The following CUL2 variants were observed in gnomAD, a reference collection of about 807,000 sequenced individuals.
CUL2 encodes cullin-2.
A neutral mutation model predicts 110.2 loss-of-function variants in CUL2; 22 were observed. That is an observed-to-expected ratio of 0.20 (90% CI 0.14 to 0.28). The LOEUF (loss-of-function observed/expected upper bound fraction) is 0.28. Among genes scored for constraint, CUL2 ranks in the 10% least tolerant of loss-of-function variants. The pLI is 1.00. For synonymous variants in CUL2, 279 were observed against 293.2 expected (o/e 0.95, Z 0.49); for missense variants, 631 against 905.5 (o/e 0.70, Z 3.89).
At chr10:35,020,586 C>A (rs2085157463) in intron 17 of CUL2, among the ~76,000 whole-genome samples, 1 of 152,172 alleles carries the variant, frequency 6.6e-6, no homozygotes, top group Non-Finnish European at 1.5e-5. Context: ...TATGTACTGT[C>A]TGGTGAAGTT....
chr10:35,032,601 AAC>A, intron 11 of CUL2, 107 bp from the exon 12 acceptor site: 1 of 736,230 alleles, frequency 1.4e-6, no homozygotes, highest in Non-Finnish European at 2.2e-6. Context: ...CGCCACATAA[AAC>A]ACAGCATTGC....
chr10:35,052,894 CA>C (rs1017728475), intron 5 of CUL2, among the ~76,000 whole-genome samples: 71 of 68,770 alleles, frequency 1.0e-3, no homozygotes, highest in Middle Eastern at 9.1e-3. Flanking sequence ...GACTCCGTCT[CA>C]AAAAAAAAAA....
intron 8 of CUL2, among the ~76,000 whole-genome samples, chr10:35,039,878 C>A (rs1013889480): frequency 6.6e-6 from 1 of 151,808 alleles, no homozygotes; most frequent in African/African-American, 2.4e-5. Context: ...TAAGGCCAGG[C>A]AAGGTGGCTC....
At chr10:35,101,606 C>T (rs1170882443) in intron 1 of CUL2, among the ~76,000 whole-genome samples, 1 of 152,132 alleles carries the variant, frequency 6.6e-6, no homozygotes, top group Non-Finnish European at 1.5e-5. Context: ...TGAAGAGTTA[C>T]AAGTGGGATG....
intron 5 of CUL2, among the ~76,000 whole-genome samples, chr10:35,051,673 A>T (rs1442700068): frequency 6.6e-6 from 1 of 152,234 alleles, no homozygotes; most frequent in African/African-American, 2.4e-5. Flanking sequence ...CATTTTACTG[A>T]ATGAAGCTGG....
intron 1 of CUL2, among the ~76,000 whole-genome samples, chr10:35,083,961 T>C (rs2087000368): frequency 6.6e-6 from 1 of 152,184 alleles, no homozygotes. Flanking sequence ...TAGATGTAAC[T>C]AACATTATTT....
At chr10:35,050,654 A>G (rs1265686058) in intron 5 of CUL2, among the ~76,000 whole-genome samples, 1 of 152,218 alleles carries the variant, frequency 6.6e-6, no homozygotes, top group Non-Finnish European at 1.5e-5. Context: ...ACATACAGCC[A>G]TAGCTCAATC....
chr10:35,117,713 C>A (rs1232172154), intron 1 of CUL2, among the ~76,000 whole-genome samples: 1 of 152,072 alleles, frequency 6.6e-6, no homozygotes. Flanking sequence ...ACTGAAGGTT[C>A]CTATTATGTG....
chr10:35,071,800 C>A (rs1336575843), intron 1 of CUL2, among the ~76,000 whole-genome samples: 1 of 152,154 alleles, frequency 6.6e-6, no homozygotes, highest in African/African-American at 2.4e-5. Flanking sequence ...TGTTAGCTAC[C>A]ATCTTTTCAT....
intron 1 of CUL2, among the ~76,000 whole-genome samples, chr10:35,072,604 G>A (rs902574052): frequency 5.3e-5 from 8 of 152,182 alleles, no homozygotes; most frequent in African/African-American, 1.9e-4. Context: ...TCCTGACCTC[G>A]TGATCCGCCC....
At chr10:35,039,485 A>C (rs1451231197) in intron 8 of CUL2, among the ~76,000 whole-genome samples, 2 of 152,232 alleles carry the variant, frequency 1.3e-5, no homozygotes, top group African/African-American at 2.4e-5. Flanking sequence ...AGATGAATCT[A>C]ATTATTTTAC....
intron 1 of CUL2, among the ~76,000 whole-genome samples, chr10:35,112,763 A>C (rs1367040393): frequency 6.6e-6 from 1 of 152,232 alleles, no homozygotes; most frequent in Admixed American, 6.5e-5. Context: ...ATGAGGCAGA[A>C]TCTTCAAAAG....
At chr10:35,122,549 G>A (rs2087689575) in intron 1 of CUL2, among the ~76,000 whole-genome samples, 1 of 152,144 alleles carries the variant, frequency 6.6e-6, no homozygotes, top group African/African-American at 2.4e-5. Context: ...TTTTGTGCCA[G>A]GCACAATGTT....
chr10:35,031,892 A>C lies in CUL2; in HGVS notation c.1171-273T>G, dbSNP rs2085488527. On this transcript the variant is annotated intron_variant, in intron 12 of 20. Coordinates refer to ENST00000374749, the MANE Select transcript of CUL2 (RefSeq NM_003591.4). The surrounding 1 kb of genome is among the most constrained non-coding windows in gnomAD (Gnocchi z 4.4). ...ATGCACAACCACACCAGGCTTCTAA[A>C]GCTTTATGTAATAATCATAAATGTA... Among the ~76,000 whole-genome samples, 1 of 152,204 alleles carries C rather than the reference A, an allele frequency of 6.6e-6. No homozygotes were observed.
intron 1 of CUL2, among the ~76,000 whole-genome samples, chr10:35,116,273 G>T (rs933019484): frequency 6.6e-6 from 1 of 151,920 alleles, no homozygotes; most frequent in Admixed American, 6.6e-5. Context: ...AACCTGGGAG[G>T]TGGAGGTTGT....
At position 35,077,419 on chromosome 10, in the gene CUL2, C is replaced by T. The variant is rs148970814; in HGVS notation, c.-22-6080G>A. On this transcript the variant is annotated intron_variant, in intron 1 of 20. Coordinates refer to ENST00000374749, the MANE Select transcript of CUL2 (RefSeq NM_003591.4). Reference sequence around the variant, plus strand: ...AGGCTGAGGAGGAGAATCGCTTGAACCTGAGAGGTGGAGGTTGTGGTGAGC... The same window carrying T: ...AGGCTGAGGAGGAGAATCGCTTGAATCTGAGAGGTGGAGGTTGTGGTGAGC... Among the ~76,000 whole-genome samples, 1,506 of 151,236 alleles carry T rather than the reference C, an allele frequency of 1.0e-2. 34 individuals are homozygous for T. Among genetic ancestry groups the T allele is most frequent in the African/African-American group, 0.035 (1,441 of 41,226 alleles).
At chr10:35,032,572 G>T in intron 11 of CUL2, 78 bp from the exon 12 acceptor site, 1 of 1,125,796 alleles carries the variant, frequency 8.9e-7, no homozygotes, top group Non-Finnish European at 1.3e-6. Context: ...GCCATAATCT[G>T]TACATCCAAA....
At chr10:35,116,620 GAT>G (rs2135139906) in intron 1 of CUL2, among the ~76,000 whole-genome samples, 1 of 152,128 alleles carries the variant, frequency 6.6e-6, no homozygotes, top group Non-Finnish European at 1.5e-5. Context: ...ACTTTTGGGG[GAT>G]TTAAAAAACA....
intron 5 of CUL2, among the ~76,000 whole-genome samples, chr10:35,051,278 G>A (rs917929067): frequency 3.3e-5 from 5 of 150,834 alleles, no homozygotes; most frequent in Non-Finnish European, 1.5e-5. Flanking sequence ...TCGCGCCACT[G>A]CACTCCCGCC....
Sources: allele counts gnomAD v4.1 joint callset (sites outside exome capture counted in the v4.1 genomes callset), GRCh38; gene constraint gnomAD v4.1.1; non-coding constraint Gnocchi (gnomAD v3.1); transcripts MANE v1.5; gene names NCBI Gene and HGNC (gene_info 2026-07-23, HGNC 2026-07-21).